Variants in TBXAS1 observed in about 807,000 individuals in gnomAD.
TBXAS1 encodes the protein thromboxane-A synthase.
TBXAS1 carries 48 observed loss-of-function variants against 60.7 expected under a neutral mutation model. That is an observed-to-expected ratio of 0.79 (90% CI 0.63 to 1.01). TBXAS1 has a LOEUF of 1.01. Among genes scored for constraint, TBXAS1 ranks in the 50% least tolerant of loss-of-function variants. TBXAS1 has a pLI of 0.00. For missense variants in TBXAS1, 685 were observed against 686.3 expected, an observed-to-expected ratio of 1.00 and a Z score of 0.02; for synonymous variants, 287 against 269.7, an observed-to-expected ratio of 1.06 and a Z score of -0.63.
intron 4 of TBXAS1, among the ~76,000 whole-genome samples, chr7:139,812,589 T>A (rs2116404615): frequency 1.3e-5 from 2 of 152,326 alleles, no homozygotes; most frequent in Middle Eastern, 3.4e-3. Flanking sequence ...TAGAGACCAG[T>A]ATCAAAATGA....
At chr7:140,010,043 C>T (rs1232127269) in intron 10 of TBXAS1, among the ~76,000 whole-genome samples, 23 of 130,580 alleles carry the variant, frequency 1.8e-4, no homozygotes, top group African/African-American at 4.3e-4. Context: ...CCTCCACACC[C>T]ACACCACACC....
intron 4 of TBXAS1, among the ~76,000 whole-genome samples, chr7:139,810,869 T>A (rs1480830773): frequency 6.6e-6 from 1 of 152,218 alleles, no homozygotes; most frequent in Non-Finnish European, 1.5e-5. Flanking sequence ...AAAATAAATA[T>A]TTAAAAGCAA....
rs750699542 is a variant in TBXAS1, at chr7:140,004,061, A to C, written c.1135-3030A>C. Among the ~76,000 whole-genome samples the C allele has an allele frequency of 6.6e-6, 1 of 152,192 alleles. No individual in the cohort carries two copies. Among genetic ancestry groups the C allele is most frequent in the Non-Finnish European group, 1.5e-5 (1 of 68,032 alleles). The stretch of plus-strand genomic sequence containing the variant: ...TTCTGCTCATTAATCCACAAGGCCG[A>C]ATGTGGCCAACAATGGGTCTCCACT... On this transcript the variant is annotated intron_variant, in intron 9 of 12. Transcript: ENST00000448866. This position sits in a 1 kb window ranked among gnomAD's most constrained non-coding sequence, Gnocchi z 5.1.
intron 4 of TBXAS1, among the ~76,000 whole-genome samples, chr7:139,823,775 G>A (rs751848683): frequency 1.3e-5 from 2 of 152,308 alleles, no homozygotes; most frequent in African/African-American, 2.4e-5. Flanking sequence ...TCAGGTGGTC[G>A]TGGGACATCT....
At chr7:139,983,162 A>G (rs1174622761) in intron 9 of TBXAS1, among the ~76,000 whole-genome samples, 1 of 152,106 alleles carries the variant, frequency 6.6e-6, no homozygotes, top group Non-Finnish European at 1.5e-5. Flanking sequence ...AACATTTTAA[A>G]CCAAATTGTC....
At chr7:139,961,861 G>C in intron 8 of TBXAS1, 58 bp from the exon 9 acceptor site, 1 of 1,602,126 alleles carries the variant, frequency 6.2e-7, no homozygotes. Flanking sequence ...TCTCCAGGAA[G>C]CCTCACTCTT....
At chr7:139,990,535 G>T (rs1199649953) in intron 9 of TBXAS1, among the ~76,000 whole-genome samples, 3 of 152,026 alleles carry the variant, frequency 2.0e-5, no homozygotes, top group Non-Finnish European at 4.4e-5. Context: ...GTCCTCCAGG[G>T]ACCCCAGCCT....
At chr7:139,913,444 A>G (rs927170449) in intron 4 of TBXAS1, 4 of 388,734 alleles carry the variant, frequency 1.0e-5, no homozygotes, top group Non-Finnish European at 1.9e-5. Context: ...AGCACTTGAG[A>G]CTGTCTGAGC....
chr7:139,873,999 C>G (rs1802024301), intron 2 of TBXAS1, among the ~76,000 whole-genome samples: 1 of 152,192 alleles, frequency 6.6e-6, no homozygotes, highest in Non-Finnish European at 1.5e-5. Flanking sequence ...GAAAGCTGCT[C>G]TTTCTGTCCT....
chr7:139,851,140 G>T (rs1402364655), intron 1 of TBXAS1, among the ~76,000 whole-genome samples: 1 of 152,132 alleles, frequency 6.6e-6, no homozygotes, highest in Non-Finnish European at 1.5e-5. Flanking sequence ...TCTTTTTCTT[G>T]ACCTAACTCT....
At chr7:139,915,719 G>T (rs769594128) in intron 4 of TBXAS1, among the ~76,000 whole-genome samples, 2 of 152,210 alleles carry the variant, frequency 1.3e-5, no homozygotes, top group Non-Finnish European at 2.9e-5. Flanking sequence ...GCAACAGGGA[G>T]CTCCCTGACA....
intron 4 of TBXAS1, among the ~76,000 whole-genome samples, chr7:139,791,710 C>G (rs924532056): frequency 6.6e-6 from 1 of 152,010 alleles, no homozygotes; most frequent in African/African-American, 2.4e-5. Context: ...GCTGTATAAC[C>G]CAGGCCCCGC....
At chr7:139,938,212 C>G (rs769562049) in intron 5 of TBXAS1, among the ~76,000 whole-genome samples, 1 of 152,112 alleles carries the variant, frequency 6.6e-6, no homozygotes, top group African/African-American at 2.4e-5. Context: ...ACAGTGTAGA[C>G]AGCAGGAGAT....
intron 2 of TBXAS1, 38 bp downstream of exon 2, chr7:139,872,366 T>C: frequency 6.3e-7 from 1 of 1,593,488 alleles, no homozygotes; most frequent in Non-Finnish European, 8.6e-7. Context: ...TCATAAAATA[T>C]GCTGAGGGCC....
rs1809794731 is a variant in TBXAS1, at chr7:139,955,562, C to CATCCCCA, written c.643_644insATCCCCA (p.Arg215HisfsTer34). The CATCCCCA allele has an allele frequency of 1.2e-6, 2 of 1,614,094 alleles. No homozygotes were observed. Among genetic ancestry groups the CATCCCCA allele is most frequent in the Admixed American group, 3.3e-5 (2 of 60,012 alleles). On this transcript the variant is annotated frameshift_variant, in exon 7 of 13. Transcript: ENST00000448866. LOFTEE classifies it high-confidence loss of function. ...GGATCCCTTTGTGAAACACTGCAAG[C>CATCCCCA]GTTTCTTCGAATTCTGCATCCCCAG...
At chr7:139,974,544 G>A (rs142350202) in intron 9 of TBXAS1, among the ~76,000 whole-genome samples, 27 of 152,228 alleles carry the variant, frequency 1.8e-4, no homozygotes, top group Non-Finnish European at 2.2e-4. Context: ...ACACCTGCTG[G>A]CAATGTGACG....
chr7:140,017,426 G>C (rs1441925102), intron 11 of TBXAS1, among the ~76,000 whole-genome samples: 1 of 152,222 alleles, frequency 6.6e-6, no homozygotes, highest in Non-Finnish European at 1.5e-5. Context: ...TTCCTAAGGA[G>C]AGGCAGGGAG....
chr7:139,929,155 C>T (rs1488887105), intron 4 of TBXAS1, among the ~76,000 whole-genome samples: 2 of 152,118 alleles, frequency 1.3e-5, no homozygotes, highest in Non-Finnish European at 2.9e-5. Flanking sequence ...GTTTTGGTGC[C>T]GCAAAAGAAA....
intron 11 of TBXAS1, 129 bp downstream of exon 11, chr7:140,015,989 A>T: frequency 7.8e-7 from 1 of 1,284,916 alleles, no homozygotes; most frequent in Non-Finnish European, 1.1e-6. Flanking sequence ...AAGTTATGGC[A>T]ATTCAGATAG....
Sources: gnomAD v4.1 joint callset for allele counts (sites outside exome capture counted in the v4.1 genomes callset) on GRCh38, gnomAD v4.1.1 for gene constraint, Gnocchi (gnomAD v3.1) non-coding constraint, MANE v1.5 for transcripts, NCBI Gene and HGNC (gene_info 2026-07-23, HGNC 2026-07-21) for gene names.